The following VOPP1 variants were observed in gnomAD, a reference collection of about 807,000 sequenced individuals.
VOPP1 encodes the protein WW domain binding protein VOPP1.
Under a neutral mutation model 23.5 loss-of-function variants are expected in VOPP1, and 8 were observed. The observed-to-expected ratio is 0.34, with a 90% CI of 0.20 to 0.61. The LOEUF is 0.61. Ranked by LOEUF, VOPP1 falls within the 20% of genes least tolerant of loss-of-function variation. The pLI, the probability that VOPP1 is intolerant of heterozygous loss-of-function variation, is 0.78. For synonymous variants in VOPP1, 83 were observed against 97.3 expected (o/e 0.85, Z 0.86); for missense variants, 174 against 238.1 (o/e 0.73, Z 1.77).
intron 1 of VOPP1, chr7:55,538,580 T>C (rs1404646019): frequency 1.3e-6 from 2 of 1,530,810 alleles, no homozygotes; most frequent in Admixed American, 3.9e-5. Context: ...TTACATGGTT[T>C]AATAACAAAC....
intron 4 of VOPP1, among the ~76,000 whole-genome samples, chr7:55,452,973 C>T (rs916309011): frequency 2.6e-5 from 4 of 152,210 alleles, no homozygotes; most frequent in African/African-American, 9.7e-5. Context: ...TAAAGACAAG[C>T]GCTGACTTTT....
At chr7:55,523,369 C>A (rs373374553) in intron 1 of VOPP1, among the ~76,000 whole-genome samples, 3 of 152,158 alleles carry the variant, frequency 2.0e-5, no homozygotes, top group East Asian at 3.9e-4. Flanking sequence ...ACAATTATTA[C>A]ATACCAATAC....
intron 3 of VOPP1, chr7:55,493,075 T>A (rs547829955): frequency 6.6e-6 from 1 of 152,368 alleles, no homozygotes; most frequent in Admixed American, 6.5e-5. Context: ...GCTGAACTCT[T>A]TAAGGGTAGC....
chr7:55,552,766 C>T, intron 1 of VOPP1: 1 of 1,529,574 alleles, frequency 6.5e-7, no homozygotes, highest in Non-Finnish European at 8.7e-7. Flanking sequence ...CGCAGAGAGG[C>T]AGCAAGTGGA....
chr7:55,485,297 C>T (rs1793051783), intron 4 of VOPP1, among the ~76,000 whole-genome samples: 3 of 152,214 alleles, frequency 2.0e-5, no homozygotes, highest in African/African-American at 7.2e-5. Context: ...AATACTGATA[C>T]TCAACAAACA....
chr7:55,504,406 A>G (rs192254399), intron 2 of VOPP1, among the ~76,000 whole-genome samples: 1 of 152,232 alleles, frequency 6.6e-6, no homozygotes, highest in Non-Finnish European at 1.5e-5. Flanking sequence ...AGAACCCTAT[A>G]AAGTTTCAGC....
At chr7:55,495,495 T>C (rs1793888394) in intron 3 of VOPP1, among the ~76,000 whole-genome samples, 1 of 152,216 alleles carries the variant, frequency 6.6e-6, no homozygotes, top group South Asian at 2.1e-4. Flanking sequence ...CCACTCTTCT[T>C]ACACTCTGGC....
intron 4 of VOPP1, among the ~76,000 whole-genome samples, chr7:55,454,199 T>C (rs1233596623): frequency 6.6e-6 from 1 of 151,790 alleles, no homozygotes; most frequent in East Asian, 1.9e-4. Context: ...AATTTTCTCT[T>C]CTAAATGGAT....
intron 2 of VOPP1, among the ~76,000 whole-genome samples, chr7:55,510,491 G>T (rs1379274053): frequency 6.6e-6 from 1 of 150,864 alleles, no homozygotes; most frequent in Non-Finnish European, 1.5e-5. Flanking sequence ...ATTTTGTCAT[G>T]CTTTAAGGCC....
chr7:55,454,143 C>T (rs951081976), intron 4 of VOPP1, among the ~76,000 whole-genome samples: 43 of 152,070 alleles, frequency 2.8e-4, no homozygotes, highest in Non-Finnish European at 6.0e-4. Context: ...TTTAGGATAG[C>T]TCTCACCTCA....
At chr7:55,451,289 A>T (rs1467334128) in intron 4 of VOPP1, among the ~76,000 whole-genome samples, 2 of 152,194 alleles carry the variant, frequency 1.3e-5, no homozygotes, top group Non-Finnish European at 2.9e-5. Context: ...TAGGGGGCAA[A>T]AGAAACGCCT....
At chr7:55,527,133 C>T (rs569252145) in intron 1 of VOPP1, 1 of 152,290 alleles carries the variant, frequency 6.6e-6, no homozygotes, top group African/African-American at 2.4e-5. Context: ...GAATGACAAG[C>T]AATTATCTCA....
At chr7:55,543,103 G>A (rs556343008) in intron 1 of VOPP1, among the ~76,000 whole-genome samples, 1,653 of 152,054 alleles carry the variant, frequency 0.011, 11 homozygotes, top group Middle Eastern at 0.02. Context: ...TTTTAGTAGA[G>A]ACAGGGTTTC....
chr7:55,502,716 G>A (rs1022873083), intron 2 of VOPP1, among the ~76,000 whole-genome samples: 5 of 152,184 alleles, frequency 3.3e-5, no homozygotes, highest in East Asian at 1.9e-4. Context: ...CCAGGCAGTC[G>A]AGCACACTGA....
chr7:55,503,169 A>G (rs986321177), intron 2 of VOPP1, among the ~76,000 whole-genome samples: 4 of 152,214 alleles, frequency 2.6e-5, no homozygotes, highest in African/African-American at 9.6e-5. Flanking sequence ...GGTATATTAT[A>G]GAGATAAAAG....
downstream of VOPP1, chr7:55,436,020 A>G (rs994738594): frequency 6.6e-6 from 1 of 152,318 alleles, no homozygotes; most frequent in African/African-American, 2.4e-5. Context: ...TGAGGTGAGG[A>G]CAGCTAGCTT....
intron 2 of VOPP1, among the ~76,000 whole-genome samples, chr7:55,511,533 C>G (rs967593024): frequency 5.3e-5 from 8 of 152,156 alleles, no homozygotes; most frequent in South Asian, 4.1e-4. Context: ...CTTGAATCCC[C>G]AAATCACTAA....
intron 1 of VOPP1, among the ~76,000 whole-genome samples, chr7:55,550,772 T>C (rs989111061): frequency 2.0e-5 from 3 of 152,178 alleles, no homozygotes; most frequent in African/African-American, 7.2e-5. Flanking sequence ...TAACGACCAG[T>C]GTATGAAAAT....
chr7:55,508,570 T>G (rs944756954), intron 2 of VOPP1, among the ~76,000 whole-genome samples: 1 of 152,054 alleles, frequency 6.6e-6, no homozygotes, highest in Non-Finnish European at 1.5e-5. Context: ...TGGCCCAGAG[T>G]TTTTGAAACT....
Sources: allele counts gnomAD v4.1 joint callset (sites outside exome capture counted in the v4.1 genomes callset), GRCh38; gene constraint gnomAD v4.1.1; transcripts MANE v1.5; gene names NCBI Gene and HGNC (gene_info 2026-07-23, HGNC 2026-07-21).